MRPL27: variants seen among roughly 807,000 people sequenced by gnomAD.
MRPL27 encodes mitochondrial ribosomal protein L27, also known as large ribosomal subunit protein bL27m.
MRPL27 carries 4 observed loss-of-function variants against 14.6 expected under a neutral mutation model. That is an observed-to-expected ratio of 0.27 (90% CI 0.14 to 0.63). MRPL27 has a LOEUF of 0.63. Among genes scored for constraint, MRPL27 ranks in the 20% least tolerant of loss-of-function variants. The pLI, the probability that MRPL27 is intolerant of heterozygous loss-of-function variation, is 0.85. For missense variants in MRPL27, 196 were observed against 192.8 expected (o/e 1.02, Z -0.10); for synonymous variants, 82 against 75.5 (o/e 1.09, Z -0.45).
rs373134035 is a variant in MRPL27, at chr17:50,370,532, G to C, written c.95C>G (p.Ser32Cys). Reference protein sequence around the residue: ...PATALAVRYASKKSGGSSKNL... With the variant: ...PATALAVRYACKKSGGSSKNL... ...TTTGGAGCTACCACCCGACTTCTTG[G>C]ATGCGTATCTGACAGCAAGAGCTGT... The change falls in exon 2 of 4, where the codon TCC becomes TGC. Residue 32 changes from serine to cysteine, a missense_variant. Physicochemically the swap from Ser to Cys is moderately radical, Grantham distance 112. Transcript: ENST00000225969. 2 of 1,614,092 alleles carry C rather than the reference G, an allele frequency of 1.2e-6. No homozygotes were observed. Among genetic ancestry groups the C allele is most frequent in the African/African-American group, 2.7e-5 (2 of 74,920 alleles).
At chr17:50,372,956 C>G (rs1598358523) in intron 1 of MRPL27, 175 bp downstream of exon 1, 2 of 840,000 alleles carry the variant, frequency 2.4e-6, no homozygotes, top group Non-Finnish European at 3.7e-6. Flanking sequence ...ACTCACGGCT[C>G]CACCCAGGAT....
In MRPL27 at chr17:50,370,101, T is replaced by A; in HGVS notation, c.173-2A>T. 6.2e-7 allele frequency: 1 copy of A among 1,609,710 alleles called. No individual in the cohort carries two copies. Among genetic ancestry groups the A allele is most frequent in the Non-Finnish European group, 8.5e-7 (1 of 1,178,444 alleles). On this transcript the variant is annotated splice_acceptor_variant, in intron 2 of 3. Coordinates refer to ENST00000225969, the MANE Select transcript of MRPL27 (RefSeq NM_016504.3). LOFTEE classifies it high-confidence loss of function. ...TGTTCCCAGCATGAACATAGTGACC[T>A]AGAAGAGAAGTCCACAGTGACTGGG... is the stretch of plus-strand genomic sequence containing the variant.
chr17:50,368,733 C>G, intron 3 of MRPL27: 2 of 631,956 alleles, frequency 3.2e-6, no homozygotes, highest in Non-Finnish European at 5.6e-6. Context: ...AAAATATAAA[C>G]CAAAGCTATA....
rs1913013710 is a variant in MRPL27, at chr17:50,368,092, T to G, written c.447A>C (p.Ter149CysextTer14). 3.1e-6 allele frequency: 5 copies of G among 1,614,156 alleles called. No homozygotes were observed. Among genetic ancestry groups the G allele is most frequent in the Non-Finnish European group, 4.2e-6 (5 of 1,180,014 alleles). ...EGTFKLVAML[*>C] ...TCTGTCCGATGGCCTCAACAGGACA[T>G]CAAAGCATAGCTACCAGTTTGAAGG... Residue 149 changes from the stop codon to cysteine, a stop_lost, in exon 4 of 4, where the codon TGA becomes TGC. Coordinates refer to ENST00000225969, the MANE Select transcript of MRPL27 (RefSeq NM_016504.3).
chr17:50,371,792 C>G (rs1302596083), intron 1 of MRPL27, among the ~76,000 whole-genome samples: 1 of 152,162 alleles, frequency 6.6e-6, no homozygotes, highest in Non-Finnish European at 1.5e-5. Flanking sequence ...AACATCTATT[C>G]ATTCATTTAC....
At chr17:50,370,619 A>G (rs1467462226) in intron 1 of MRPL27, 33 bp from the exon 2 acceptor site, 1 of 1,612,524 alleles carries the variant, frequency 6.2e-7, no homozygotes, top group Non-Finnish European at 8.5e-7. Context: ...GTTCAGACAG[A>G]CAGGCTCAAA....
Position 50,369,865 on chromosome 17 carries a change from T to C in MRPL27, c.240+167A>G, listed in dbSNP as rs1001373544. On this transcript the variant is annotated intron_variant, in intron 3 of 3. Transcript: ENST00000225969. The stretch of plus-strand genomic sequence containing the variant: ...CTAGGTCTCTGGCATTTCACCTTAC[T>C]TACAGGGATGTGGTAAGGAAGAAAT... 6 of 808,636 alleles carry C rather than the reference T, an allele frequency of 7.4e-6. No homozygotes were observed. The African/African-American group carries it at 1.1e-4, about 14-fold the overall frequency. 50.1% of individuals were successfully genotyped at this position (808,636 alleles called of 1,614,324 possible).
Position 50,373,121 on chromosome 17 carries a change from G to A in MRPL27, c.40+10C>T, listed in dbSNP as rs1913236267. The A allele has an allele frequency of 6.2e-7, 1 of 1,613,910 alleles. No homozygotes were observed. The highest frequency in any genetic ancestry group is 1.7e-5 in the Admixed American group (1 of 60,000). On this transcript the variant is annotated intron_variant, in intron 1 of 3. Transcript: ENST00000225969. ...CGCCTCACCCCGCTCTGACTACTGC[G>A]TCCCATTACCGGCTGTCCGGGTCCT...
At chr17:50,368,825 A>G (rs1567811821) in intron 3 of MRPL27, 1 of 702,058 alleles carries the variant, frequency 1.4e-6, no homozygotes, top group African/African-American at 1.7e-5. Flanking sequence ...ACATTAAGTC[A>G]TTTAATTCTC....
chr17:50,368,742 T>C, intron 3 of MRPL27: 1 of 651,252 alleles, frequency 1.5e-6, no homozygotes, highest in Non-Finnish European at 2.8e-6. Context: ...ACCAAAGCTA[T>C]ATGGATAATG....
chr17:50,368,720 T>C lies in MRPL27; in HGVS notation c.241-422A>G, dbSNP rs148768950. On this transcript the variant is annotated intron_variant, in intron 3 of 3. Coordinates refer to ENST00000225969, the MANE Select transcript of MRPL27 (RefSeq NM_016504.3). ...AGTGATCTATAAAGTTTAGGCTCTA[T>C]GGAAAATATAAACCAAAGCTATATG... is the stretch of plus-strand genomic sequence containing the variant. 54 of 619,258 alleles carry C rather than the reference T, an allele frequency of 8.7e-5. No homozygotes were observed. The African/African-American group carries it at 9.6e-4, about 11-fold the overall frequency. The allele number at this position is 619,258 out of a possible 1,614,324, so 38.4% of individuals were successfully genotyped here. A position where few individuals can be genotyped will look rare whatever the true frequency, so the allele number is the denominator to read the frequency against.
chr17:50,367,939 T>C lies in MRPL27; in HGVS notation c.*153A>G. The C allele has an allele frequency of 1.2e-6, 1 of 821,132 alleles. No individual in the cohort carries two copies. The highest frequency in any genetic ancestry group is 1.8e-5 in the South Asian group (1 of 55,378). 50.9% of individuals were successfully genotyped at this position (821,132 alleles called of 1,614,324 possible). A position where few individuals can be genotyped will look rare whatever the true frequency, so the allele number is the denominator to read the frequency against. On this transcript the variant is annotated 3_prime_UTR_variant, in exon 4 of 4. Coordinates refer to ENST00000225969, the MANE Select transcript of MRPL27 (RefSeq NM_016504.3). ...GCCCCAGGTCAGGTCTCCCAAAGGGTTTCCCAGCAGTCACTTCAGAGTCTC... is the reference window on the plus strand; with the variant it reads ...GCCCCAGGTCAGGTCTCCCAAAGGGCTTCCCAGCAGTCACTTCAGAGTCTC...
At chr17:50,372,382 A>G (rs1172860512) in intron 1 of MRPL27, among the ~76,000 whole-genome samples, 1 of 152,040 alleles carries the variant, frequency 6.6e-6, no homozygotes, top group African/African-American at 2.4e-5. Context: ...AGTATCTGAG[A>G]CCACAGGCAA....
At chr17:50,370,008 G>C (rs758816817) in intron 3 of MRPL27, 24 bp downstream of exon 3, 6 of 1,613,166 alleles carry the variant, frequency 3.7e-6, no homozygotes, top group Non-Finnish European at 4.2e-6. Context: ...AAGGAAAAAG[G>C]GGGGCAGCAA....
At chr17:50,372,939 C>T (rs1167022799) in intron 1 of MRPL27, 192 bp downstream of exon 1, 12 of 713,728 alleles carry the variant, frequency 1.7e-5, no homozygotes, top group African/African-American at 1.6e-4. Context: ...GCTCTTCAAA[C>T]GCCCTCACTC....
At chr17:50,369,179 T>C in intron 3 of MRPL27, 1 of 340,562 alleles carries the variant, frequency 2.9e-6, no homozygotes, top group Non-Finnish European at 5.4e-6. Context: ...TGAGGATTAA[T>C]GCTCAACAAT....
chr17:50,369,877 G>A, intron 3 of MRPL27, 155 bp downstream of exon 3: 3 of 858,632 alleles, frequency 3.5e-6, no homozygotes, highest in Non-Finnish European at 5.6e-6. Flanking sequence ...ACAGGGATGT[G>A]GTAAGGAAGA....
In MRPL27 at chr17:50,370,573, T is replaced by C; in HGVS notation, c.54A>G (p.Leu18=). 1 of 1,614,128 alleles carries C rather than the reference T, an allele frequency of 6.2e-7. No homozygotes were observed. Among genetic ancestry groups the C allele is most frequent in the East Asian group, 2.2e-5 (1 of 44,884 alleles). ...CAAGAGCTGTAGCCGGAGTGGGGCT[T>C]AGCAAGGATGTAACTGCAGAGAAAA... ...LRTRTAVTSL[L]SPTPATALAV... Residue 18 remains leucine (L), a synonymous_variant, in exon 2 of 4, where the codon CTA becomes CTG. Transcript: ENST00000225969.
At chr17:50,370,183 C>T in intron 2 of MRPL27, 84 bp from the exon 3 acceptor site, 6 of 1,408,968 alleles carry the variant, frequency 4.3e-6, no homozygotes, top group Non-Finnish European at 5.8e-6. Flanking sequence ...CACCAACCTC[C>T]AAGCCTGCCC....
Sources: allele counts gnomAD v4.1 joint callset (sites outside exome capture counted in the v4.1 genomes callset), GRCh38; gene constraint gnomAD v4.1.1; transcripts MANE v1.5; gene names NCBI Gene and HGNC (gene_info 2026-07-23, HGNC 2026-07-21).